Variants in LPP observed in about 807,000 individuals in gnomAD.
The protein encoded by LPP is LIM domain containing preferred translocation partner in lipoma.
A neutral mutation model predicts 60.4 loss-of-function variants in LPP; 38 were observed. The observed-to-expected ratio is 0.63, with a 90% confidence interval of 0.49 to 0.83. The LOEUF (loss-of-function observed/expected upper bound fraction) is 0.83, where lower values mean the gene tolerates loss of function less well. Ranked by LOEUF, LPP falls within the 40% of genes least tolerant of loss-of-function variation. The pLI, the probability that LPP is intolerant of heterozygous loss-of-function variation, is 0.00. For missense variants in LPP, 902 were observed against 783.6 expected (o/e 1.15, Z -1.80); for synonymous variants, 328 against 290.8 (o/e 1.13, Z -1.30).
intron 5 of LPP, among the ~76,000 whole-genome samples, chr3:188,513,424 T>G (rs1411200930): frequency 6.6e-6 from 1 of 152,210 alleles, no homozygotes; most frequent in Non-Finnish European, 1.5e-5. Flanking sequence ...TGGGTTTCCG[T>G]GTCTGATTTC....
chr3:188,667,916 T>C (rs754195465), intron 7 of LPP, among the ~76,000 whole-genome samples: 39 of 151,958 alleles, frequency 2.6e-4, no homozygotes, highest in Non-Finnish European at 3.8e-4. Context: ...GGTTGGAAAT[T>C]AAGACAAGAA....
intron 1 of LPP, among the ~76,000 whole-genome samples, chr3:188,176,528 A>G (rs1577116711): frequency 6.6e-6 from 1 of 150,700 alleles, no homozygotes. Flanking sequence ...ACTGGATCTT[A>G]CCCCCTTTGC....
At position 188,675,172 on chromosome 3, in the gene LPP, A is replaced by G. The variant is rs992978881; in HGVS notation, c.1114-33095A>G. ...AAAGATGGAGGAATTGAACGATTAC[A>G]TAACAGCTGTTCAGACTTGTGGTAC... On this transcript the variant is annotated intron_variant, in intron 7 of 11. Transcript: ENST00000617246. 3.3e-5 allele frequency among the ~76,000 whole-genome samples: 5 copies of G among 152,236 alleles called. No homozygotes were observed. In the South Asian group the frequency reaches 6.2e-4, roughly 19 times the overall value.
At position 188,541,878 on chromosome 3, in the gene LPP, CAA is replaced by C. The variant is rs373945106; in HGVS notation, c.429+17092_429+17093del. Among the ~76,000 whole-genome samples, 718 of 152,094 alleles carry C rather than the reference CAA, an allele frequency of 4.7e-3. 9 individuals carry two copies. The highest frequency in any genetic ancestry group is 0.016 in the African/African-American group (682 of 41,456). On this transcript the variant is annotated intron_variant, in intron 6 of 11. Transcript: ENST00000617246. ...CACCCCTGCACTCTAGCCTAGGTGA[CAA>C]GAGCGAAACTCCATCACACACACAA...
intron 5 of LPP, among the ~76,000 whole-genome samples, chr3:188,496,349 G>A (rs1810210727): frequency 6.6e-6 from 1 of 152,054 alleles, no homozygotes; most frequent in African/African-American, 2.4e-5. Flanking sequence ...GGCTGGTCTC[G>A]AACACCTGAC....
At chr3:188,751,844 G>T (rs1416643852) in intron 8 of LPP, among the ~76,000 whole-genome samples, 1 of 152,124 alleles carries the variant, frequency 6.6e-6, no homozygotes, top group Non-Finnish European at 1.5e-5. Flanking sequence ...AATAAATATT[G>T]ACTATTATCA....
At chr3:188,318,171 C>G (rs931143275) in intron 2 of LPP, among the ~76,000 whole-genome samples, 1 of 152,172 alleles carries the variant, frequency 6.6e-6, no homozygotes, top group Non-Finnish European at 1.5e-5. Context: ...TAATTTAGCA[C>G]AGTACTTTGC....
At chr3:188,371,978 G>A (rs1578404850) in intron 3 of LPP, among the ~76,000 whole-genome samples, 1 of 150,526 alleles carries the variant, frequency 6.6e-6, no homozygotes, top group East Asian at 1.9e-4. Context: ...ATTTTATAAG[G>A]GCTTTTTCTT....
rs895831631 is a variant in LPP at position 188,352,656 on chromosome 3, C to T, written c.-10+10937C>T. 6.6e-6 allele frequency among the ~76,000 whole-genome samples: 1 copy of T among 152,092 alleles called. No individual in the cohort carries two copies. The highest frequency in any genetic ancestry group is 1.5e-5 in the Non-Finnish European group (1 of 68,024). On this transcript the variant is annotated intron_variant, in intron 3 of 11. Transcript: ENST00000617246. The surrounding 1 kb of genome is among the most constrained non-coding windows in gnomAD (Gnocchi z 4.4). ...GGCCACAGAGTGCATAGAGAGAAGG[C>T]TGGGAGAGGAGGTCAGGTCTTGTTT...
intron 9 of LPP, among the ~76,000 whole-genome samples, chr3:188,811,372 A>ACACACG (rs934485638): frequency 2.0e-5 from 3 of 151,682 alleles, no homozygotes; most frequent in African/African-American, 7.3e-5. Context: ...ACACACACAC[A>ACACACG]CACACACACA....
At chr3:188,462,566 ATATATATATATATATATATGCATG>A (rs1799291240) in intron 4 of LPP, among the ~76,000 whole-genome samples, 11 of 51,834 alleles carry the variant, frequency 2.1e-4, no homozygotes, top group East Asian at 1.8e-3. Context: ...ATATATATAT[ATATATATATATATATATATGCATG>A]TGTGTGTGTG....
At chr3:188,631,087 G>A (rs911360210) in intron 7 of LPP, among the ~76,000 whole-genome samples, 4 of 151,972 alleles carry the variant, frequency 2.6e-5, no homozygotes, top group Non-Finnish European at 5.9e-5. Flanking sequence ...TCACTACCTG[G>A]GTGATGAAAT....
rs57278260 is a variant in LPP, at chr3:188,770,168, CTTTTTTTTTTTTT to C, written c.1410+9900_1410+9912del. ...CTCATTTTCTTTCATAGTTATAATTCTTTTTTTTTTTTTTTTTTTTTTTTTTCCGAGACGGGGT... is the reference window on the plus strand; with the variant it reads ...CTCATTTTCTTTCATAGTTATAATTCTTTTTTTTTTTTTCCGAGACGGGGT... On this transcript the variant is annotated intron_variant, in intron 9 of 11. Coordinates refer to ENST00000617246, the MANE Select transcript of LPP (RefSeq NM_001375462.1). Among the ~76,000 whole-genome samples, 3 of 64,598 alleles carry C rather than the reference CTTTTTTTTTTTTT, an allele frequency of 4.6e-5. No homozygotes were observed. The East Asian group carries it at 1.9e-3, about 42-fold the overall frequency. The allele number at this position is 64,598 out of a possible 152,430, so 42.4% of individuals were successfully genotyped here.
intron 7 of LPP, among the ~76,000 whole-genome samples, chr3:188,632,796 C>A (rs1580544801): frequency 6.6e-6 from 1 of 152,120 alleles, no homozygotes; most frequent in Non-Finnish European, 1.5e-5. Flanking sequence ...TCTTCTGTAG[C>A]GCCCCTTTTG....
At chr3:188,753,771 G>A (rs1441376787) in intron 8 of LPP, among the ~76,000 whole-genome samples, 1 of 152,056 alleles carries the variant, frequency 6.6e-6, no homozygotes, top group Non-Finnish European at 1.5e-5. Context: ...GTGTTTGAGT[G>A]TGGGTGTGTG....
chr3:188,731,832 T>C (rs1331523753), intron 8 of LPP, among the ~76,000 whole-genome samples: 1 of 152,332 alleles, frequency 6.6e-6, no homozygotes, highest in East Asian at 1.9e-4. Flanking sequence ...TGTCTAATCT[T>C]TTATTTAATG....
In LPP at chr3:188,352,214, C is replaced by T. The variant is rs146366219; in HGVS notation, c.-10+10495C>T. 3.1e-4 allele frequency among the ~76,000 whole-genome samples: 47 copies of T among 152,258 alleles called. No homozygotes were observed. The highest frequency in any genetic ancestry group is 1.1e-3 in the African/African-American group (47 of 41,544). ...ACAATACACAAATCTGTTAAATACA[C>T]AATAAAAATAGCTTATGATCTATGG... On this transcript the variant is annotated intron_variant, in intron 3 of 11. Transcript: ENST00000617246. This position sits in a 1 kb window ranked among gnomAD's most constrained non-coding sequence, Gnocchi z 4.4.
At chr3:188,640,515 T>TAAG (rs750577290) in intron 7 of LPP, among the ~76,000 whole-genome samples, 24 of 125,988 alleles carry the variant, frequency 1.9e-4, no homozygotes, top group Non-Finnish European at 3.3e-4. Context: ...ACTTAAAGTA[T>TAAG]AATAATAATA....
At chr3:188,333,572 G>T (rs966610899) in intron 2 of LPP, among the ~76,000 whole-genome samples, 1 of 152,180 alleles carries the variant, frequency 6.6e-6, no homozygotes, top group African/African-American at 2.4e-5. Flanking sequence ...CTCTTAAAGT[G>T]AGTTCTGCTT....
Sources: gnomAD v4.1 joint callset for allele counts (sites outside exome capture counted in the v4.1 genomes callset) on GRCh38, gnomAD v4.1.1 for gene constraint, Gnocchi (gnomAD v3.1) non-coding constraint, MANE v1.5 for transcripts, NCBI Gene and HGNC (gene_info 2026-07-23, HGNC 2026-07-21) for gene names.